The following ARNT2 variants were observed in gnomAD, a reference collection of about 807,000 sequenced individuals.
ARNT2 encodes ARNT protein 2.
In ARNT2, 36 loss-of-function variants were observed where a neutral mutation model predicts 91.7. The observed-to-expected ratio is 0.39, with a 90% CI of 0.30 to 0.52. The LOEUF is 0.52. Ranked by LOEUF, ARNT2 falls within the 20% of genes least tolerant of loss-of-function variation. ARNT2 has a pLI of 0.72. For synonymous variants in ARNT2, 365 were observed against 347.1 expected (o/e 1.05, Z -0.57); for missense variants, 775 against 939.3 (o/e 0.83, Z 2.29).
chr15:80,514,852 T>C (rs1357053902), intron 8 of ARNT2, among the ~76,000 whole-genome samples: 1 of 152,070 alleles, frequency 6.6e-6, no homozygotes, highest in East Asian at 1.9e-4. Flanking sequence ...CGCCACTGTA[T>C]TCCAGCCTGG....
chr15:80,553,261 T>C (rs2141457302), intron 10 of ARNT2, among the ~76,000 whole-genome samples: 1 of 152,200 alleles, frequency 6.6e-6, no homozygotes, highest in East Asian at 1.9e-4. Flanking sequence ...CAGGAGCAGT[T>C]GTCCCAGATT....
At position 80,597,111 on chromosome 15, in the gene ARNT2, A is replaced by G. The variant is rs187144670; in HGVS notation, c.*3413A>G. The G allele has an allele frequency of 5.2e-4, 267 of 518,060 alleles. 1 individual carries two copies. The highest frequency in any genetic ancestry group is 3.1e-3 in the South Asian group (222 of 71,488). The allele number at this position is 518,060 out of a possible 1,614,324, so 32.1% of individuals were successfully genotyped here. A position where few individuals can be genotyped will look rare whatever the true frequency, so the allele number is the denominator to read the frequency against. ...GGAGCTTTACTCTTCCGTGTCAACA[A>G]TGTGACTACATGTTCTCCAGATTAG... On this transcript the variant is annotated 3_prime_UTR_variant, in exon 19 of 19. Coordinates refer to ENST00000303329, the MANE Select transcript of ARNT2 (RefSeq NM_014862.4).
At chr15:80,449,758 C>A (rs903739972) in intron 1 of ARNT2, among the ~76,000 whole-genome samples, 3 of 152,184 alleles carry the variant, frequency 2.0e-5, no homozygotes, top group Admixed American at 2.0e-4. Flanking sequence ...TGTCACAGGA[C>A]TCCCTGAGTT....
intron 8 of ARNT2, 153 bp from the exon 9 acceptor site, chr15:80,551,046 G>A: frequency 1.5e-6 from 1 of 662,698 alleles, no homozygotes; most frequent in Non-Finnish European, 2.7e-6. Context: ...CAGGAACTGA[G>A]TGAGGAACTG....
intron 8 of ARNT2, among the ~76,000 whole-genome samples, chr15:80,548,229 C>T (rs960516682): frequency 1.3e-5 from 2 of 152,084 alleles, no homozygotes; most frequent in Non-Finnish European, 2.9e-5. Flanking sequence ...TTAACCAAGG[C>T]ATTAAAGAGA....
chr15:80,596,911 T>C lies in ARNT2; in HGVS notation c.*3213T>C. 2.8e-6 allele frequency: 1 copy of C among 356,648 alleles called. No individual in the cohort carries two copies. The allele number at this position is 356,648 out of a possible 1,614,324, so 22.1% of individuals were successfully genotyped here. On this transcript the variant is annotated 3_prime_UTR_variant, in exon 19 of 19. Coordinates refer to ENST00000303329, the MANE Select transcript of ARNT2 (RefSeq NM_014862.4). ...GGATGGCTCTAGAACACTCTGTCCATGCGTCACTCCCCCCAGTTTTATTTT... is the reference window on the plus strand; with the variant it reads ...GGATGGCTCTAGAACACTCTGTCCACGCGTCACTCCCCCCAGTTTTATTTT...
intron 4 of ARNT2, among the ~76,000 whole-genome samples, chr15:80,471,525 C>T (rs1019208674): frequency 6.6e-6 from 1 of 152,028 alleles, no homozygotes; most frequent in Non-Finnish European, 1.5e-5. Context: ...TGCATGTGTA[C>T]CCCTGAAAAA....
intron 5 of ARNT2, among the ~76,000 whole-genome samples, chr15:80,476,967 TC>T (rs1306182353): frequency 6.6e-6 from 1 of 152,214 alleles, no homozygotes; most frequent in Non-Finnish European, 1.5e-5. Context: ...TTTAGTACCA[TC>T]CTCTTGGTCC....
At chr15:80,436,725 A>C (rs1473961112) in intron 1 of ARNT2, among the ~76,000 whole-genome samples, 1 of 152,220 alleles carries the variant, frequency 6.6e-6, no homozygotes, top group Non-Finnish European at 1.5e-5. Flanking sequence ...TTATGTGGAC[A>C]GTCTTCATTT....
At chr15:80,581,177 C>T (rs1271769900) in intron 16 of ARNT2, 62 bp from the exon 17 acceptor site, 11 of 1,591,836 alleles carry the variant, frequency 6.9e-6, no homozygotes, top group African/African-American at 1.3e-5. Flanking sequence ...CCTGGGGCAT[C>T]GGTTGGGGTG....
At chr15:80,575,210 G>A (rs1898653436) in intron 14 of ARNT2, 100 bp downstream of exon 14, 1 of 1,487,702 alleles carries the variant, frequency 6.7e-7, no homozygotes, top group South Asian at 1.3e-5. Context: ...GGCCACGGAA[G>A]GTGAGTTTTG....
At chr15:80,456,740 C>T (rs186938577) in intron 2 of ARNT2, among the ~76,000 whole-genome samples, 1 of 152,226 alleles carries the variant, frequency 6.6e-6, no homozygotes, top group East Asian at 1.9e-4. Flanking sequence ...CCACTGAAGC[C>T]CTGCCCTTAG....
At chr15:80,575,260 G>T in intron 14 of ARNT2, 150 bp downstream of exon 14, 3 of 1,119,894 alleles carry the variant, frequency 2.7e-6, no homozygotes, top group Non-Finnish European at 3.9e-6. Flanking sequence ...GAGTTGGAAT[G>T]GATTCTGTCT....
At chr15:80,427,476 C>A (rs550790868) in intron 1 of ARNT2, among the ~76,000 whole-genome samples, 17 of 152,152 alleles carry the variant, frequency 1.1e-4, no homozygotes, top group African/African-American at 4.1e-4. Flanking sequence ...AGTTTTGAAC[C>A]TCAAGACTGA....
intron 1 of ARNT2, among the ~76,000 whole-genome samples, chr15:80,430,543 A>G (rs1895993555): frequency 6.6e-6 from 1 of 152,200 alleles, no homozygotes; most frequent in African/African-American, 2.4e-5. Flanking sequence ...GCCCAAAGCT[A>G]CTGTAGATGC....
intron 1 of ARNT2, among the ~76,000 whole-genome samples, chr15:80,411,709 T>C (rs925122360): frequency 3.3e-5 from 5 of 152,184 alleles, no homozygotes; most frequent in African/African-American, 9.7e-5. Flanking sequence ...TCCACAAAGG[T>C]TACACCAGAG....
intron 3 of ARNT2, among the ~76,000 whole-genome samples, chr15:80,463,943 T>A (rs950381029): frequency 1.5e-4 from 23 of 152,168 alleles, no homozygotes; most frequent in African/African-American, 5.6e-4. Flanking sequence ...CTTACCATGT[T>A]TAGCTATGCT....
intron 8 of ARNT2, among the ~76,000 whole-genome samples, chr15:80,522,773 AT>A (rs1897572411): frequency 2.0e-5 from 3 of 150,400 alleles, no homozygotes; most frequent in Admixed American, 6.6e-5. Context: ...ATATATATAT[AT>A]ATATATCTGT....
intron 1 of ARNT2, among the ~76,000 whole-genome samples, chr15:80,430,204 G>A (rs994061688): frequency 3.3e-5 from 5 of 152,044 alleles, no homozygotes; most frequent in Non-Finnish European, 5.9e-5. Flanking sequence ...CCTGGGCCAC[G>A]CTCTGTGCTG....
Sources: allele counts gnomAD v4.1 joint callset (sites outside exome capture counted in the v4.1 genomes callset), GRCh38; gene constraint gnomAD v4.1.1; transcripts MANE v1.5; gene names NCBI Gene and HGNC (gene_info 2026-07-23, HGNC 2026-07-21).